WWOX: variants seen among roughly 807,000 people sequenced by gnomAD.
The protein encoded by WWOX is WW domain containing oxidoreductase.
Under a neutral mutation model 46.2 loss-of-function variants are expected in WWOX, and 69 were observed. That is an observed-to-expected ratio of 1.49 (90% CI 1.23 to 1.82). The LOEUF (loss-of-function observed/expected upper bound fraction) is 1.82, where lower values mean the gene tolerates loss of function less well. Among genes scored for constraint, WWOX ranks in the 40% most tolerant of loss-of-function variants. The pLI is 0.00. For synonymous variants in WWOX, 359 were observed against 202.6 expected, an observed-to-expected ratio of 1.77 and a Z score of -6.56; for missense variants, 919 against 542.6, an observed-to-expected ratio of 1.69 and a Z score of -6.89.
At chr16:78,745,926 C>G (rs1010757010) in intron 8 of WWOX, among the ~76,000 whole-genome samples, 6 of 152,058 alleles carry the variant, frequency 3.9e-5, no homozygotes, top group African/African-American at 1.2e-4. Context: ...AAGGAAAACA[C>G]TCCCGCTGCT....
rs373225128 is a variant in WWOX, at chr16:78,489,475, CT to C, written c.1056+56733del. Among the ~76,000 whole-genome samples the C allele has an allele frequency of 1.7e-3, 255 of 150,646 alleles. 1 individual carries two copies. Among genetic ancestry groups the C allele is most frequent in the African/African-American group, 6.0e-3 (246 of 41,036 alleles). ...AAAACAGCAGGGACATTCGTGAGCT[CT>C]TTTTTTTTTCTAACCACTTTCCCAG... On this transcript the variant is annotated intron_variant, in intron 8 of 8. Coordinates refer to ENST00000566780, the MANE Select transcript of WWOX (RefSeq NM_016373.4).
chr16:78,708,372 G>T (rs913459200), intron 8 of WWOX, among the ~76,000 whole-genome samples: 1 of 152,200 alleles, frequency 6.6e-6, no homozygotes, highest in African/African-American at 2.4e-5. Context: ...TCGGCATCCT[G>T]TGTTTTTATT....
intron 8 of WWOX, among the ~76,000 whole-genome samples, chr16:78,997,999 C>A (rs980931113): frequency 6.6e-6 from 1 of 152,098 alleles, no homozygotes; most frequent in East Asian, 1.9e-4. Flanking sequence ...GCCTCAGCCT[C>A]CCGAGTAGCT....
chr16:78,390,244 G>C (rs746657508), intron 6 of WWOX, among the ~76,000 whole-genome samples: 1 of 152,226 alleles, frequency 6.6e-6, no homozygotes, highest in Non-Finnish European at 1.5e-5. Context: ...TTGGAAGTGA[G>C]CAGCTTTGCT....
intron 8 of WWOX, among the ~76,000 whole-genome samples, chr16:79,084,228 G>A (rs948851360): frequency 1.3e-5 from 2 of 152,152 alleles, no homozygotes; most frequent in African/African-American, 2.4e-5. Context: ...TGCATTTCTT[G>A]TTCCTAGTGA....
intron 8 of WWOX, among the ~76,000 whole-genome samples, chr16:78,652,424 A>AAG (rs67057395): frequency 4.0e-5 from 6 of 148,714 alleles, no homozygotes; most frequent in Admixed American, 6.7e-5. Context: ...AAAAAAAAAA[A>AAG]AAAAAAAGAA....
At chr16:78,978,952 C>A (rs1231932018) in intron 8 of WWOX, among the ~76,000 whole-genome samples, 2 of 152,092 alleles carry the variant, frequency 1.3e-5, no homozygotes, top group Non-Finnish European at 2.9e-5. Flanking sequence ...ATGTCCCTCC[C>A]CACTTTACTC....
intron 8 of WWOX, among the ~76,000 whole-genome samples, chr16:78,643,826 C>A (rs1299797461): frequency 3.6e-4 from 50 of 138,562 alleles, no homozygotes; most frequent in Non-Finnish European, 2.6e-4. Context: ...CCCCTAACTC[C>A]AAAAAAAAAA....
intron 5 of WWOX, among the ~76,000 whole-genome samples, chr16:78,170,048 T>C (rs947108446): frequency 6.6e-6 from 1 of 152,142 alleles, no homozygotes; most frequent in Non-Finnish European, 1.5e-5. Flanking sequence ...GAGTTACTAT[T>C]TGACTCACCC....
intron 8 of WWOX, among the ~76,000 whole-genome samples, chr16:78,834,162 A>C (rs1216354890): frequency 6.6e-6 from 1 of 152,212 alleles, no homozygotes; most frequent in Non-Finnish European, 1.5e-5. Context: ...ACAACAGGAT[A>C]GGAACATTCC....
chr16:78,334,857 A>C (rs888536957), intron 5 of WWOX, among the ~76,000 whole-genome samples: 23 of 140,374 alleles, frequency 1.6e-4, no homozygotes, highest in Non-Finnish European at 2.5e-4. Flanking sequence ...CACACACACA[A>C]AATCACCAAA....
chr16:78,872,094 C>A (rs1047376823), intron 8 of WWOX, among the ~76,000 whole-genome samples: 1 of 152,182 alleles, frequency 6.6e-6, no homozygotes, highest in Non-Finnish European at 1.5e-5. Flanking sequence ...ACGTTCATTT[C>A]CACTTCTAAT....
intron 8 of WWOX, among the ~76,000 whole-genome samples, chr16:78,848,994 A>C (rs775707425): frequency 1.8e-4 from 27 of 152,200 alleles, no homozygotes; most frequent in Non-Finnish European, 3.1e-4. Context: ...ATGACTCGCA[A>C]AGACATAGTT....
At chr16:78,429,352 G>T (rs1195768389) in intron 7 of WWOX, among the ~76,000 whole-genome samples, 1 of 152,276 alleles carries the variant, frequency 6.6e-6, no homozygotes. Flanking sequence ...TGTCCATGGA[G>T]GCATGCATTT....
intron 8 of WWOX, among the ~76,000 whole-genome samples, chr16:78,924,240 T>A (rs914010278): frequency 4.6e-5 from 7 of 152,300 alleles, no homozygotes; most frequent in Non-Finnish European, 8.8e-5. Flanking sequence ...TTCATAGACG[T>A]CTTGGAAAAG....
At position 78,349,242 on chromosome 16, in the gene WWOX, A is replaced by G. The variant is rs1031139763; in HGVS notation, c.517-37618A>G. ...GATGTCCTCTTCTTTGAAGGACACC[A>G]CTCAGATTGCAATAGGACCTGCCCT... On this transcript the variant is annotated intron_variant, in intron 5 of 8. Transcript: ENST00000566780. Among the ~76,000 whole-genome samples, 2 of 119,412 alleles carry G rather than the reference A, an allele frequency of 1.7e-5. 1 individual carries two copies. Among genetic ancestry groups the G allele is most frequent in the South Asian group, 5.1e-4 (2 of 3,950 alleles). 78.3% of individuals were successfully genotyped at this position (119,412 alleles called of 152,430 possible).
intron 8 of WWOX, among the ~76,000 whole-genome samples, chr16:78,438,182 C>T (rs1286676613): frequency 2.0e-5 from 3 of 152,188 alleles, no homozygotes; most frequent in Non-Finnish European, 2.9e-5. Flanking sequence ...ATTAATTTCT[C>T]ATAATTTCTG....
intron 8 of WWOX, among the ~76,000 whole-genome samples, chr16:79,014,527 T>C (rs1380718251): frequency 6.6e-6 from 1 of 152,188 alleles, no homozygotes; most frequent in Non-Finnish European, 1.5e-5. Context: ...CTTCTAAGAT[T>C]TTTCAATTCC....
chr16:78,389,746 AGTTT>A (rs1965480094), intron 6 of WWOX, among the ~76,000 whole-genome samples: 1 of 151,902 alleles, frequency 6.6e-6, no homozygotes, highest in African/African-American at 2.4e-5. Flanking sequence ...GTTTCATTTT[AGTTT>A]ATTTTTTATT....
Sources: allele counts gnomAD v4.1 joint callset (sites outside exome capture counted in the v4.1 genomes callset), GRCh38; gene constraint gnomAD v4.1.1; transcripts MANE v1.5; gene names NCBI Gene and HGNC (gene_info 2026-07-23, HGNC 2026-07-21).